The following GSAP variants were observed in gnomAD, a reference collection of about 807,000 sequenced individuals.
The protein encoded by GSAP is gamma-secretase-activating protein.
GSAP carries 118 observed loss-of-function variants against 131.7 expected under a neutral mutation model. That is an observed-to-expected ratio of 0.90 (90% CI 0.77 to 1.04). The LOEUF is 1.04. Ranked by LOEUF, GSAP falls within the 50% of genes least tolerant of loss-of-function variation. The pLI is 0.00. For missense variants in GSAP, 1,019 were observed against 1,013.2 expected, an observed-to-expected ratio of 1.01 and a Z score of -0.08; for synonymous variants, 381 against 363.4, an observed-to-expected ratio of 1.05 and a Z score of -0.55.
At chr7:77,362,944 G>A (rs1040830477) in intron 12 of GSAP, among the ~76,000 whole-genome samples, 2 of 152,206 alleles carry the variant, frequency 1.3e-5, no homozygotes, top group African/African-American at 4.8e-5. Context: ...GTTCTAGACA[G>A]TTTCCAAAGC....
At chr7:77,347,264 G>A (rs1256950951) in intron 19 of GSAP, among the ~76,000 whole-genome samples, 1 of 152,094 alleles carries the variant, frequency 6.6e-6, no homozygotes, top group African/African-American at 2.4e-5. Context: ...CAAACCTAAA[G>A]AGGTACCGTG....
chr7:77,399,883 T>C (rs1801034212), intron 3 of GSAP, among the ~76,000 whole-genome samples: 1 of 152,174 alleles, frequency 6.6e-6, no homozygotes, highest in African/African-American at 2.4e-5. Flanking sequence ...GTGAGTTCCC[T>C]GGGTTTTCCT....
intron 12 of GSAP, among the ~76,000 whole-genome samples, chr7:77,369,381 C>A (rs1041315238): frequency 6.6e-6 from 1 of 152,200 alleles, no homozygotes; most frequent in East Asian, 1.9e-4. Flanking sequence ...GGCAGCAGCA[C>A]TTTTGCCCAC....
chr7:77,365,109 C>A (rs1795090875), intron 12 of GSAP, among the ~76,000 whole-genome samples: 1 of 152,058 alleles, frequency 6.6e-6, no homozygotes, highest in Non-Finnish European at 1.5e-5. Flanking sequence ...TACATGTGTG[C>A]CTGGCTAATT....
At chr7:77,376,280 C>T (rs1372417023) in intron 10 of GSAP, among the ~76,000 whole-genome samples, 1 of 152,226 alleles carries the variant, frequency 6.6e-6, no homozygotes, top group South Asian at 2.1e-4. Flanking sequence ...CTAATCCCCA[C>T]TTACACATTT....
rs559481365 is a variant in GSAP at position 77,339,225 on chromosome 7, G to T, written c.1546-8858C>A. Among the ~76,000 whole-genome samples the T allele has an allele frequency of 1.4e-3, 214 of 152,284 alleles. 2 individuals carry two copies. The highest frequency in any genetic ancestry group is 4.9e-3 in the African/African-American group (204 of 41,552). ...ATTAAGTTGGGACTTGGGGGTAGAA[G>T]AAGTAGGTTAAAGGTGAAGGTAGCA... On this transcript the variant is annotated intron_variant, in intron 19 of 30. Coordinates refer to ENST00000257626, the MANE Select transcript of GSAP (RefSeq NM_017439.4).
In GSAP at chr7:77,311,095, G is replaced by A. The variant is rs931079760; in HGVS notation, c.*263C>T. The A allele has an allele frequency of 2.9e-6, 1 of 341,274 alleles. No homozygotes were observed. The highest frequency in any genetic ancestry group is 5.4e-6 in the Non-Finnish European group (1 of 186,840). The allele number at this position is 341,274 out of a possible 1,614,324, so 21.1% of individuals were successfully genotyped here. A position where few individuals can be genotyped will look rare whatever the true frequency, so the allele number is the denominator to read the frequency against. ...TAGCTTGTGGCCTATTAAGCTACTA[G>A]GAAGAGCATCGTTTATGCCACTGTA... On this transcript the variant is annotated 3_prime_UTR_variant, in exon 31 of 31. Transcript: ENST00000257626.
At chr7:77,360,695 G>T in intron 14 of GSAP, 129 bp downstream of exon 14, 1 of 586,858 alleles carries the variant, frequency 1.7e-6, no homozygotes. Context: ...GATTTCAAGT[G>T]GGTCATTGAT....
At chr7:77,353,166 G>T in intron 17 of GSAP, 140 bp from the exon 18 acceptor site, 1 of 603,204 alleles carries the variant, frequency 1.7e-6, no homozygotes, top group South Asian at 2.0e-5. Context: ...TAACCATCAT[G>T]ATTTTATCTA....
intron 7 of GSAP, among the ~76,000 whole-genome samples, chr7:77,381,721 A>G (rs773079545): frequency 6.6e-6 from 1 of 152,126 alleles, no homozygotes; most frequent in Non-Finnish European, 1.5e-5. Context: ...TTATTCTTCA[A>G]TTCCCAAATA....
chr7:77,378,481 C>A (rs542206799), intron 8 of GSAP, among the ~76,000 whole-genome samples: 18 of 150,168 alleles, frequency 1.2e-4, no homozygotes, highest in African/African-American at 4.2e-4. Context: ...AAGAGTCCAT[C>A]TCAAAAAAAA....
At chr7:77,328,176 C>T (rs1479061882) in intron 22 of GSAP, 1 of 987,848 alleles carries the variant, frequency 1.0e-6, no homozygotes, top group Non-Finnish European at 1.2e-6. Flanking sequence ...CTGGAAGCTC[C>T]TCATCTTTAT....
At chr7:77,350,167 G>A (rs570025351) in intron 18 of GSAP, among the ~76,000 whole-genome samples, 5 of 149,100 alleles carry the variant, frequency 3.4e-5, no homozygotes, top group Admixed American at 6.8e-5. Flanking sequence ...GTAAACTATC[G>A]CAAGGACAAA....
chr7:77,368,733 GAAAA>G (rs1230500040), intron 12 of GSAP, among the ~76,000 whole-genome samples: 1 of 152,102 alleles, frequency 6.6e-6, no homozygotes, highest in East Asian at 1.9e-4. Context: ...TGTAAATAAA[GAAAA>G]TATAGAACTT....
intron 10 of GSAP, among the ~76,000 whole-genome samples, chr7:77,375,939 T>C (rs142758792): frequency 5.3e-5 from 8 of 152,242 alleles, no homozygotes; most frequent in African/African-American, 1.9e-4. Flanking sequence ...TTTTTAATCT[T>C]TTTTTAAAAA....
chr7:77,351,775 C>A, intron 18 of GSAP: 1 of 963,380 alleles, frequency 1.0e-6, no homozygotes, highest in Non-Finnish European at 1.2e-6. Context: ...TCTTTTAACA[C>A]AACCCTGGGA....
chr7:77,364,699 A>C (rs1795021567), intron 12 of GSAP, among the ~76,000 whole-genome samples: 1 of 152,182 alleles, frequency 6.6e-6, no homozygotes, highest in South Asian at 2.1e-4. Flanking sequence ...ATGTAGAATA[A>C]ATGTACCTAA....
chr7:77,410,645 T>C (rs1803100747), intron 1 of GSAP, among the ~76,000 whole-genome samples: 1 of 152,194 alleles, frequency 6.6e-6, no homozygotes, highest in Non-Finnish European at 1.5e-5. Flanking sequence ...CAAAAGCTGG[T>C]TGGCCAGATA....
At chr7:77,373,673 G>A (rs1276673796) in intron 12 of GSAP, among the ~76,000 whole-genome samples, 1 of 152,216 alleles carries the variant, frequency 6.6e-6, no homozygotes, top group African/African-American at 2.4e-5. Flanking sequence ...TTGGTAGGCT[G>A]CAGCATGGCT....
Sources: allele counts gnomAD v4.1 joint callset (sites outside exome capture counted in the v4.1 genomes callset), GRCh38; gene constraint gnomAD v4.1.1; transcripts MANE v1.5; gene names NCBI Gene and HGNC (gene_info 2026-07-23, HGNC 2026-07-21).